ASTN2: variants seen among roughly 807,000 people sequenced by gnomAD.
ASTN2 encodes astrotactin 2.
A neutral mutation model predicts 139.8 loss-of-function variants in ASTN2; 54 were observed. That is an observed-to-expected ratio of 0.39 (90% CI 0.31 to 0.48). The LOEUF is 0.48. ASTN2 is among the 20% of genes least tolerant of loss of function. The pLI is 0.95. For synonymous variants in ASTN2, 756 were observed against 719.5 expected (o/e 1.05, Z -0.81); for missense variants, 1,565 against 1,725.1 (o/e 0.91, Z 1.64).
rs1407237353 is a variant in ASTN2 at position 116,973,259 on chromosome 9, T to C, written c.1889+1949A>G. Reference sequence around the variant, plus strand: ...AGCTGATGTAAGAATGTAATAATATTAGTGAAGTATTCGGCACTTACTTAG... The same window carrying C: ...AGCTGATGTAAGAATGTAATAATATCAGTGAAGTATTCGGCACTTACTTAG... On this transcript the variant is annotated intron_variant, in intron 10 of 22. Transcript: ENST00000313400. Among the ~76,000 whole-genome samples, 3 of 152,254 alleles carry C rather than the reference T, an allele frequency of 2.0e-5. No individual in the cohort carries two copies. In the East Asian group the frequency reaches 5.8e-4, roughly 29 times the overall value.
chr9:117,103,733 C>T (rs1399699864), intron 4 of ASTN2, among the ~76,000 whole-genome samples: 1 of 152,110 alleles, frequency 6.6e-6, no homozygotes. Flanking sequence ...TTAGATTACC[C>T]AGAACTGTGC....
At chr9:117,266,746 C>T (rs1833946642) in intron 2 of ASTN2, among the ~76,000 whole-genome samples, 1 of 152,184 alleles carries the variant, frequency 6.6e-6, no homozygotes, top group Non-Finnish European at 1.5e-5. Flanking sequence ...TAATAAATCA[C>T]TGAAGACAAG....
intron 1 of ASTN2, among the ~76,000 whole-genome samples, chr9:117,411,941 G>C (rs1192817909): frequency 6.6e-6 from 1 of 151,978 alleles, no homozygotes; most frequent in Admixed American, 6.6e-5. Context: ...ACTAGAAAGA[G>C]ATGGCCATAA....
At chr9:117,328,790 T>G (rs1219973192) in intron 1 of ASTN2, among the ~76,000 whole-genome samples, 4 of 152,076 alleles carry the variant, frequency 2.6e-5, no homozygotes, top group Non-Finnish European at 5.9e-5. Context: ...CCAGCCAGAG[T>G]GCCACAGAGT....
intron 5 of ASTN2, among the ~76,000 whole-genome samples, chr9:117,053,065 C>A (rs1184387815): frequency 6.6e-6 from 1 of 152,198 alleles, no homozygotes; most frequent in African/African-American, 2.4e-5. Flanking sequence ...AAAAAGGAAA[C>A]ACATATTCTA....
At chr9:117,286,665 A>C in intron 2 of ASTN2, among the ~76,000 whole-genome samples, 1 of 152,204 alleles carries the variant, frequency 6.6e-6, no homozygotes, top group East Asian at 1.9e-4. Flanking sequence ...TTTTCCTCTG[A>C]CTTTGCACCT....
At chr9:117,010,109 CA>C (rs1201111017) in intron 6 of ASTN2, among the ~76,000 whole-genome samples, 1 of 152,102 alleles carries the variant, frequency 6.6e-6, no homozygotes, top group Non-Finnish European at 1.5e-5. Flanking sequence ...TAGACAGTAT[CA>C]GGACTGAGGT....
chr9:116,730,927 T>A (rs1239232073), intron 14 of ASTN2, among the ~76,000 whole-genome samples: 1 of 152,166 alleles, frequency 6.6e-6, no homozygotes, highest in East Asian at 1.9e-4. Flanking sequence ...GGAATGGATG[T>A]CAGCTTTTTG....
intron 4 of ASTN2, among the ~76,000 whole-genome samples, chr9:117,110,945 T>C (rs1334499272): frequency 1.3e-5 from 2 of 152,192 alleles, no homozygotes; most frequent in Admixed American, 1.3e-4. Flanking sequence ...AATCTGTGTA[T>C]AATCTCTGCC....
At chr9:116,848,687 C>G (rs1307644732) in intron 11 of ASTN2, among the ~76,000 whole-genome samples, 1 of 152,092 alleles carries the variant, frequency 6.6e-6, no homozygotes, top group Non-Finnish European at 1.5e-5. Flanking sequence ...TCCTGTGATA[C>G]CCTCTCACCA....
intron 2 of ASTN2, among the ~76,000 whole-genome samples, chr9:117,223,748 T>TA (rs1832608062): frequency 1.3e-5 from 2 of 152,218 alleles, no homozygotes; most frequent in Non-Finnish European, 2.9e-5. Context: ...TTCACATTTG[T>TA]AAAAATATAC....
intron 10 of ASTN2, among the ~76,000 whole-genome samples, chr9:116,969,953 G>C (rs1319923659): frequency 6.6e-6 from 1 of 152,200 alleles, no homozygotes. Flanking sequence ...CAAGGTGTCA[G>C]CAAGGTGGTC....
At chr9:116,756,141 C>T (rs1213733396) in intron 13 of ASTN2, among the ~76,000 whole-genome samples, 2 of 152,232 alleles carry the variant, frequency 1.3e-5, no homozygotes, top group South Asian at 4.2e-4. Flanking sequence ...TTTCCAGGCC[C>T]TCCTCGTCCA....
chr9:116,865,036 T>C (rs1233624752), intron 10 of ASTN2, among the ~76,000 whole-genome samples: 4 of 152,180 alleles, frequency 2.6e-5, no homozygotes, highest in Non-Finnish European at 5.9e-5. Context: ...CAGCCACATT[T>C]ACCCTCTCCT....
intron 4 of ASTN2, among the ~76,000 whole-genome samples, chr9:117,119,978 C>G (rs1305689657): frequency 9.9e-6 from 1 of 101,136 alleles, no homozygotes; most frequent in Non-Finnish European, 2.1e-5. Context: ...ATAGATATCT[C>G]TATATATTTG....
chr9:116,944,103 T>G (rs1347395043), intron 10 of ASTN2, among the ~76,000 whole-genome samples: 1 of 151,664 alleles, frequency 6.6e-6, no homozygotes, highest in African/African-American at 2.4e-5. Flanking sequence ...ATAACTACCT[T>G]ATGGGGAAGT....
At chr9:116,499,378 G>A (rs1433254182) in intron 19 of ASTN2, among the ~76,000 whole-genome samples, 1 of 152,126 alleles carries the variant, frequency 6.6e-6, no homozygotes. Context: ...TTGTAAACAC[G>A]TGTGGACAAC....
intron 3 of ASTN2, among the ~76,000 whole-genome samples, chr9:117,147,955 G>T (rs1830240177): frequency 6.6e-6 from 1 of 152,136 alleles, no homozygotes; most frequent in African/African-American, 2.4e-5. Context: ...TGATAGCTTA[G>T]CTCCTCTTCA....
intron 10 of ASTN2, among the ~76,000 whole-genome samples, chr9:116,943,757 C>T (rs1423256545): frequency 6.6e-6 from 1 of 152,174 alleles, no homozygotes; most frequent in East Asian, 1.9e-4. Flanking sequence ...GTGCTGGTCT[C>T]CTGCATGGCC....
Sources: gnomAD v4.1 joint callset for allele counts (sites outside exome capture counted in the v4.1 genomes callset) on GRCh38, gnomAD v4.1.1 for gene constraint, MANE v1.5 for transcripts, NCBI Gene and HGNC (gene_info 2026-07-23, HGNC 2026-07-21) for gene names.